STK32B: variants seen among roughly 807,000 people sequenced by gnomAD.
The protein encoded by STK32B is serine/threonine kinase 32B, also known as serine/threonine-protein kinase 32B.
Under a neutral mutation model 52.6 loss-of-function variants are expected in STK32B, and 43 were observed. That is an observed-to-expected ratio of 0.82 (90% CI 0.64 to 1.05). The LOEUF (loss-of-function observed/expected upper bound fraction) is 1.05. Ranked by LOEUF, STK32B falls within the 50% of genes least tolerant of loss-of-function variation. STK32B has a pLI of 0.00. For missense variants in STK32B, 621 were observed against 534.6 expected (o/e 1.16, Z -1.59); for synonymous variants, 238 against 204.3 (o/e 1.17, Z -1.41).
At chr4:5,029,722 C>T in the STK32B span, among the ~76,000 whole-genome samples, 27 of 152,202 alleles carry the variant, frequency 1.8e-4, no homozygotes, top group Non-Finnish European at 5.9e-5. Flanking sequence ...CCCACCCAGG[C>T]GCCCATCTCC....
At position 5,388,558 on chromosome 4, in the gene STK32B, A is replaced by G. The variant is rs768934058; in HGVS notation, c.435-9649A>G. Among the ~76,000 whole-genome samples, 4 of 152,214 alleles carry G rather than the reference A, an allele frequency of 2.6e-5. No homozygotes were observed. The South Asian group carries it at 6.2e-4, about 24-fold the overall frequency. ...GGACCCCAGCTCTCCACACCCTTCT[A>G]TTGTTTTCCATATGCTACTACCATG... On this transcript the variant is annotated intron_variant, in intron 4 of 11. Transcript: ENST00000282908.
chr4:5,159,566 AATAT>A (rs1274132084), intron 2 of STK32B, among the ~76,000 whole-genome samples: 3 of 69,180 alleles, frequency 4.3e-5, no homozygotes, highest in Non-Finnish European at 8.2e-5. Flanking sequence ...TATATGAATG[AATAT>A]ATATGAATAT....
chr4:5,428,373 A>C (rs1713273597), intron 6 of STK32B, among the ~76,000 whole-genome samples: 1 of 152,128 alleles, frequency 6.6e-6, no homozygotes, highest in Non-Finnish European at 1.5e-5. Flanking sequence ...GCACCACTGC[A>C]CTCTAGCCTG....
intron 2 of STK32B, among the ~76,000 whole-genome samples, chr4:5,156,968 C>T (rs796413935): frequency 6.6e-6 from 1 of 151,898 alleles, no homozygotes; most frequent in African/African-American, 2.4e-5. Context: ...CAGGCTCTCA[C>T]AGCTGCATGT....
chr4:5,240,988 C>A (rs1032097648), intron 3 of STK32B, among the ~76,000 whole-genome samples: 1 of 152,150 alleles, frequency 6.6e-6, no homozygotes, highest in African/African-American at 2.4e-5. Flanking sequence ...GTAAGTCCTT[C>A]CATCCTGTTC....
intron 3 of STK32B, among the ~76,000 whole-genome samples, chr4:5,296,525 T>G (rs1039790643): frequency 6.6e-6 from 1 of 152,232 alleles, no homozygotes; most frequent in Admixed American, 6.5e-5. Context: ...AATGCCTTTC[T>G]TTGTCTTTTT....
At chr4:5,077,203 C>G (rs1433688152) in intron 1 of STK32B, among the ~76,000 whole-genome samples, 2 of 152,218 alleles carry the variant, frequency 1.3e-5, no homozygotes, top group African/African-American at 4.8e-5. Context: ...AACGAGTCTG[C>G]TAGTGTACTG....
intron 3 of STK32B, among the ~76,000 whole-genome samples, chr4:5,171,797 T>A (rs1488993723): frequency 6.7e-5 from 10 of 149,792 alleles, no homozygotes; most frequent in Non-Finnish European, 1.2e-4. Context: ...GTGGGCTCTG[T>A]TTTGGTTCCA....
chr4:5,185,010 C>G (rs1720637360), intron 3 of STK32B, among the ~76,000 whole-genome samples: 1 of 152,226 alleles, frequency 6.6e-6, no homozygotes. Context: ...CTCCCTGTTT[C>G]CGTGTGACTA....
chr4:5,160,952 C>T (rs779050896), intron 2 of STK32B, among the ~76,000 whole-genome samples: 1 of 152,158 alleles, frequency 6.6e-6, no homozygotes, highest in South Asian at 2.1e-4. Flanking sequence ...TGCCTGAGAA[C>T]AGCATGGCAG....
chr4:5,313,941 C>G (rs1442983776), intron 3 of STK32B, among the ~76,000 whole-genome samples: 1 of 151,950 alleles, frequency 6.6e-6, no homozygotes, highest in Non-Finnish European at 1.5e-5. Flanking sequence ...CAAATAAGAC[C>G]TAAATAAGTG....
chr4:5,482,118 G>A (rs1454751307), intron 11 of STK32B, among the ~76,000 whole-genome samples: 1 of 152,164 alleles, frequency 6.6e-6, no homozygotes, highest in Non-Finnish European at 1.5e-5. Flanking sequence ...CCAATTCTGA[G>A]AAGAAAGTCA....
At chr4:5,445,002 A>G (rs958648186) in intron 6 of STK32B, among the ~76,000 whole-genome samples, 1 of 152,150 alleles carries the variant, frequency 6.6e-6, no homozygotes, top group Admixed American at 6.5e-5. Flanking sequence ...CGAAATGTTG[A>G]GACGAACCTT....
At chr4:5,327,847 A>C (rs1035704958) in intron 3 of STK32B, among the ~76,000 whole-genome samples, 1 of 152,334 alleles carries the variant, frequency 6.6e-6, no homozygotes, top group East Asian at 1.9e-4. Context: ...TGAAAGTCCT[A>C]AATGACATCT....
intron 3 of STK32B, among the ~76,000 whole-genome samples, chr4:5,328,259 A>G (rs1359059335): frequency 2.0e-5 from 3 of 152,188 alleles, no homozygotes; most frequent in Admixed American, 1.3e-4. Context: ...TTGGAGTAGC[A>G]ATTTTTATTT....
chr4:5,139,093 T>A (rs771417957), intron 1 of STK32B, among the ~76,000 whole-genome samples: 2 of 152,100 alleles, frequency 1.3e-5, no homozygotes, highest in African/African-American at 2.4e-5. Flanking sequence ...AGACAGAAGA[T>A]GGTGGATTAG....
At chr4:5,326,672 A>G (rs1731897724) in intron 3 of STK32B, among the ~76,000 whole-genome samples, 1 of 152,190 alleles carries the variant, frequency 6.6e-6, no homozygotes, top group Non-Finnish European at 1.5e-5. Context: ...CAATGCTAAC[A>G]CTCATCTGAG....
At chr4:5,236,424 G>A (rs1724642256) in intron 3 of STK32B, among the ~76,000 whole-genome samples, 1 of 152,006 alleles carries the variant, frequency 6.6e-6, no homozygotes, top group Non-Finnish European at 1.5e-5. Flanking sequence ...TTCAAACATT[G>A]AACACACTCA....
At chr4:5,133,970 T>C (rs1715921389) in intron 1 of STK32B, among the ~76,000 whole-genome samples, 1 of 152,206 alleles carries the variant, frequency 6.6e-6, no homozygotes, top group Admixed American at 6.5e-5. Context: ...AAACTTTGTT[T>C]AAACCTTTGT....
Sources: allele counts gnomAD v4.1 joint callset (sites outside exome capture counted in the v4.1 genomes callset), GRCh38; gene constraint gnomAD v4.1.1; transcripts MANE v1.5; gene names NCBI Gene and HGNC (gene_info 2026-07-23, HGNC 2026-07-21).